Variants in POGLUT2 observed in about 807,000 individuals in gnomAD.
POGLUT2 encodes protein O-glucosyltransferase 2.
POGLUT2 carries 47 observed loss-of-function variants against 57.6 expected under a neutral mutation model. The observed-to-expected ratio is 0.82, with a 90% CI of 0.65 to 1.04. The LOEUF is 1.04. Among genes scored for constraint, POGLUT2 ranks in the 50% least tolerant of loss-of-function variants. The probability of loss-of-function intolerance (pLI) is 0.00; values close to 1 mark genes in which losing one functional copy is unlikely to be tolerated. For synonymous variants in POGLUT2, 200 were observed against 218.8 expected, an observed-to-expected ratio of 0.91 and a Z score of 0.76; for missense variants, 565 against 614.8, an observed-to-expected ratio of 0.92 and a Z score of 0.86.
chr13:102,789,318 A>G (rs1878080280), intron 6 of POGLUT2, 97 bp from the exon 7 acceptor site: 3 of 1,048,192 alleles, frequency 2.9e-6, no homozygotes, highest in Non-Finnish European at 4.3e-6. Context: ...TGCAATCCTC[A>G]GACACAATTT....
At chr13:102,793,504 A>C (rs1878262516) in intron 3 of POGLUT2, 86 bp from the exon 4 acceptor site, 1 of 1,331,762 alleles carries the variant, frequency 7.5e-7, no homozygotes, top group Admixed American at 1.7e-5. Flanking sequence ...TGCTCATTCG[A>C]ATGATGTTTA....
intron 2 of POGLUT2, among the ~76,000 whole-genome samples, chr13:102,795,295 G>GCTCA (rs1878334287): frequency 6.6e-6 from 1 of 151,152 alleles, no homozygotes; most frequent in Admixed American, 6.6e-5. Context: ...GGGTACAGTG[G>GCTCA]CTCACGCCTG....
intron 9 of POGLUT2, 123 bp from the exon 10 acceptor site, chr13:102,784,635 T>G: frequency 1.5e-6 from 1 of 652,790 alleles, no homozygotes. Flanking sequence ...TAGAGGCTTT[T>G]AGGGCTTGGG....
At chr13:102,785,573 T>A (rs527751103) in intron 9 of POGLUT2, among the ~76,000 whole-genome samples, 13 of 152,316 alleles carry the variant, frequency 8.5e-5, no homozygotes, top group African/African-American at 3.1e-4. Flanking sequence ...TATAGCTTTA[T>A]ATACAAGCAC....
chr13:102,788,530 A>T (rs1878041839), intron 7 of POGLUT2, among the ~76,000 whole-genome samples: 1 of 152,200 alleles, frequency 6.6e-6, no homozygotes, highest in South Asian at 2.1e-4. Flanking sequence ...CTTGTTGCCC[A>T]GGCTGGAGTG....
chr13:102,794,839 C>G (rs530346432), intron 2 of POGLUT2, among the ~76,000 whole-genome samples: 1 of 151,778 alleles, frequency 6.6e-6, no homozygotes, highest in Admixed American at 6.6e-5. Flanking sequence ...TTTTGATGGT[C>G]TGTTATACAA....
intron 1 of POGLUT2, 68 bp downstream of exon 1, chr13:102,798,421 A>C: frequency 2.1e-6 from 3 of 1,432,792 alleles, no homozygotes; most frequent in Non-Finnish European, 2.8e-6. Context: ...CTTGGAAAGA[A>C]AAATCTTAAA....
Position 102,790,944 on chromosome 13 carries a change from T to C in POGLUT2, c.1040A>G (p.Tyr347Cys), listed in dbSNP as rs779591407. The change falls in exon 6 of 10, where the codon TAT becomes TGT. Residue 347 changes from tyrosine to cysteine, a missense_variant. Coordinates refer to ENST00000376004, the MANE Select transcript of POGLUT2 (RefSeq NM_024089.3). ...TGAAATATGTTTCACAATGGGACCA[T>C]ACAGGTTTTCATCGTGTTTAAAGAA... ...FFFFKHDENL[Y>C]GPIVKHISFF... 2.5e-6 allele frequency: 4 copies of C among 1,610,728 alleles called. No individual in the cohort carries two copies. The highest frequency in any genetic ancestry group is 4.5e-5 in the East Asian group (2 of 44,878).
chr13:102,792,302 C>G lies in POGLUT2; in HGVS notation c.673-872G>C, dbSNP rs1238949002. 3.9e-5 allele frequency among the ~76,000 whole-genome samples: 6 copies of G among 152,148 alleles called. 1 individual carries two copies. Among genetic ancestry groups the G allele is most frequent in the African/African-American group, 1.4e-4 (6 of 41,426 alleles). On this transcript the variant is annotated intron_variant, in intron 4 of 9. Transcript: ENST00000376004. ...TGGTAAAAATGTTGGTAGAGTCTTT[C>G]ACATCCACCATTTTAACATTACTTT...
rs1360515159 is a variant in POGLUT2, at chr13:102,791,151, G to A, written c.846-13C>T. On this transcript the variant is annotated splice_polypyrimidine_tract_variant and intron_variant, in intron 5 of 9. Coordinates refer to ENST00000376004, the MANE Select transcript of POGLUT2 (RefSeq NM_024089.3). ...ATCCAGACTTACCCTAGAAGACAAA[G>A]TGCAACAGATTTTCCTCCCAAATCA... The A allele has an allele frequency of 2.5e-6, 4 of 1,611,324 alleles. No individual in the cohort carries two copies. Among genetic ancestry groups the A allele is most frequent in the Non-Finnish European group, 3.4e-6 (4 of 1,177,536 alleles).
At chr13:102,794,089 T>C (rs1878285908) in intron 2 of POGLUT2, among the ~76,000 whole-genome samples, 1 of 151,738 alleles carries the variant, frequency 6.6e-6, no homozygotes, top group African/African-American at 2.4e-5. Context: ...AATAAAAAAT[T>C]AGCTGGGTGC....
Position 102,798,885 on chromosome 13 carries a change from T to G in POGLUT2, c.-215A>C. On this transcript the variant is annotated 5_prime_UTR_variant, in exon 1 of 10. Coordinates refer to ENST00000376004, the MANE Select transcript of POGLUT2 (RefSeq NM_024089.3). ...CCGGCGCGCCCAGGTGAGGGTCCCC[T>G]GGCGTTCTGCTGTCCCGGCCGAGAA... 1 of 492,294 alleles carries G rather than the reference T, an allele frequency of 2.0e-6. No homozygotes were observed. The highest frequency in any genetic ancestry group is 3.6e-6 in the Non-Finnish European group (1 of 280,878). The allele number at this position is 492,294 out of a possible 1,614,324, so 30.5% of individuals were successfully genotyped here.
chr13:102,792,043 T>A, intron 4 of POGLUT2: 1 of 1,289,648 alleles, frequency 7.8e-7, no homozygotes, highest in South Asian at 1.2e-5. Flanking sequence ...ACATTCTCAT[T>A]TTCCCATGGA....
chr13:102,798,387 T>C (rs973329262), intron 1 of POGLUT2, 102 bp downstream of exon 1: 4 of 1,093,684 alleles, frequency 3.7e-6, no homozygotes, highest in Non-Finnish European at 5.2e-6. Context: ...TCCTGGAATA[T>C]AAACTGCTGT....
intron 2 of POGLUT2, among the ~76,000 whole-genome samples, chr13:102,796,218 C>A (rs1236165408): frequency 6.6e-6 from 1 of 150,632 alleles, no homozygotes; most frequent in Non-Finnish European, 1.5e-5. Flanking sequence ...TCGCTTGAAC[C>A]CGGAAGGCGG....
intron 1 of POGLUT2, among the ~76,000 whole-genome samples, 176 bp from the exon 2 acceptor site, chr13:102,797,185 TA>T (rs1298433192): frequency 1.3e-5 from 2 of 152,156 alleles, no homozygotes; most frequent in Admixed American, 1.3e-4. Flanking sequence ...ATCAGAGATT[TA>T]AAAAAATGAG....
chr13:102,795,447 C>T lies in POGLUT2; in HGVS notation c.388+1357G>A, dbSNP rs1878340801. 3.3e-5 allele frequency among the ~76,000 whole-genome samples: 5 copies of T among 151,980 alleles called. No homozygotes were observed. The South Asian group carries it at 1.0e-3, about 32-fold the overall frequency. ...GCATGGTGGTGAGTGCCTGTAGTCCCAGCTACTCATGCAGCTGAGGTGGGA... is the reference window on the plus strand; with the variant it reads ...GCATGGTGGTGAGTGCCTGTAGTCCTAGCTACTCATGCAGCTGAGGTGGGA... On this transcript the variant is annotated intron_variant, in intron 2 of 9. Coordinates refer to ENST00000376004, the MANE Select transcript of POGLUT2 (RefSeq NM_024089.3).
At chr13:102,798,193 C>G (rs1285069455) in intron 1 of POGLUT2, among the ~76,000 whole-genome samples, 5 of 152,098 alleles carry the variant, frequency 3.3e-5, no homozygotes, top group Admixed American at 2.6e-4. Flanking sequence ...ATAGCTTATG[C>G]GAAAAGTAGT....
rs1008370412 is a variant in POGLUT2, at chr13:102,798,936, A to T, written c.-266T>A. ...CCGCGCTGCTCCTCTCTCTCAGGAC[A>T]ATGATGAACTTGAGTTGCTCCTGCC... is the stretch of plus-strand genomic sequence containing the variant. On this transcript the variant is annotated 5_prime_UTR_variant, in exon 1 of 10. Transcript: ENST00000376004. 7.0e-6 allele frequency: 3 copies of T among 431,384 alleles called. No individual in the cohort carries two copies. Among genetic ancestry groups the T allele is most frequent in the Non-Finnish European group, 1.2e-5 (3 of 245,266 alleles). The allele number at this position is 431,384 out of a possible 1,614,324, so 26.7% of individuals were successfully genotyped here.
Sources: gnomAD v4.1 joint callset for allele counts (sites outside exome capture counted in the v4.1 genomes callset) on GRCh38, gnomAD v4.1.1 for gene constraint, MANE v1.5 for transcripts, NCBI Gene and HGNC (gene_info 2026-07-23, HGNC 2026-07-21) for gene names.